PLEKHS1: variants seen among roughly 807,000 people sequenced by gnomAD.
The protein encoded by PLEKHS1 is pleckstrin homology domain containing S1.
In PLEKHS1, 55 loss-of-function variants were observed where a neutral mutation model predicts 51.0. The observed-to-expected ratio is 1.08, with a 90% CI of 0.87 to 1.35. The LOEUF (loss-of-function observed/expected upper bound fraction) is 1.35, where lower values mean the gene tolerates loss of function less well. PLEKHS1 is among the 40% of genes most tolerant of loss of function. The pLI is 0.00. For synonymous variants in PLEKHS1, 153 were observed against 144.8 expected (o/e 1.06, Z -0.41); for missense variants, 398 against 423.0 (o/e 0.94, Z 0.52).
chr10:113,777,531 C>T (rs748839814), intron 11 of PLEKHS1: 1 of 1,553,802 alleles, frequency 6.4e-7, no homozygotes. Flanking sequence ...TGCATGGAAT[C>T]AGACTGGTGC....
At chr10:113,766,903 T>C (rs1014026254) in intron 4 of PLEKHS1, among the ~76,000 whole-genome samples, 185 bp downstream of exon 4, 2 of 152,246 alleles carry the variant, frequency 1.3e-5, no homozygotes, top group Admixed American at 6.5e-5. Flanking sequence ...GTTGAATATT[T>C]GTTTCATATT....
chr10:113,759,165 A>G lies in PLEKHS1; in HGVS notation c.28+3860A>G, dbSNP rs186043244. ...ACGCCTGTAATCCTAGCACTTTGGA[A>G]GGCTGAGGTGGGCAGATCACTTGAG... On this transcript the variant is annotated intron_variant, in intron 2 of 11. Coordinates refer to ENST00000361048, the Ensembl canonical transcript of PLEKHS1. Among the ~76,000 whole-genome samples the G allele has an allele frequency of 3.2e-4, 48 of 152,302 alleles. No individual in the cohort carries two copies. The South Asian group carries it at 7.5e-3, about 24-fold the overall frequency.
intron 6 of PLEKHS1, 54 bp from the exon 7 acceptor site, chr10:113,769,730 T>C: frequency 8.6e-7 from 1 of 1,157,478 alleles, no homozygotes; most frequent in Non-Finnish European, 1.3e-6. Context: ...GGCTGCCGTT[T>C]CATTCCAGAC....
At chr10:113,768,947 A>T (rs1409045621) in intron 6 of PLEKHS1, 57 bp downstream of exon 6, 16 of 1,348,804 alleles carry the variant, frequency 1.2e-5, no homozygotes, top group Middle Eastern at 1.8e-4. Context: ...CTCTTTCAAT[A>T]GAAAACAATG....
chr10:113,771,973 T>G (rs1428018243), exon 8 of PLEKHS1: 1 of 1,609,702 alleles, frequency 6.2e-7, no homozygotes, highest in East Asian at 2.2e-5. Context: ...TCTTCAGCAT[T>G]TAATGGAACA....
chr10:113,766,568 T>TC, intron 3 of PLEKHS1, 44 bp from the exon 4 acceptor site: 1 of 1,589,328 alleles, frequency 6.3e-7, no homozygotes, highest in Non-Finnish European at 8.6e-7. Context: ...TCATTTCTTT[T>TC]CCTCTGAGAT....
chr10:113,769,200 A>G (rs928909610), intron 6 of PLEKHS1, among the ~76,000 whole-genome samples: 6 of 152,236 alleles, frequency 3.9e-5, no homozygotes, highest in Non-Finnish European at 8.8e-5. Context: ...AAGGTGCATG[A>G]CAAGCTCCCT....
chr10:113,761,471 G>A (rs1843928099), intron 2 of PLEKHS1, among the ~76,000 whole-genome samples: 1 of 151,902 alleles, frequency 6.6e-6, no homozygotes, highest in Non-Finnish European at 1.5e-5. Flanking sequence ...TTTCTAGTTT[G>A]CAGTGTACCA....
intron 2 of PLEKHS1, among the ~76,000 whole-genome samples, chr10:113,759,696 C>G (rs79657098): frequency 0.18 from 27,977 of 152,048 alleles, 2,701 homozygotes; most frequent in South Asian, 0.29. Context: ...GTTGAATATC[C>G]AGGTTGCTTC....
At chr10:113,774,135 T>C (rs977325435) in intron 8 of PLEKHS1, 92 bp from the exon 9 acceptor site, 17 of 733,088 alleles carry the variant, frequency 2.3e-5, no homozygotes, top group Admixed American at 5.7e-5. Flanking sequence ...TGTACCTCTA[T>C]GTCAGAGCCC....
chr10:113,752,328 T>C (rs1448619094), intron 1 of PLEKHS1, among the ~76,000 whole-genome samples: 1 of 152,242 alleles, frequency 6.6e-6, no homozygotes, highest in African/African-American at 2.4e-5. Context: ...ATTTTATATG[T>C]ATATGTGAAA....
At chr10:113,763,536 T>C (rs1037851265) in intron 2 of PLEKHS1, among the ~76,000 whole-genome samples, 2 of 152,204 alleles carry the variant, frequency 1.3e-5, no homozygotes, top group Non-Finnish European at 2.9e-5. Flanking sequence ...CTTTTCTGCC[T>C]TCTTTTGGAA....
chr10:113,756,651 T>C (rs1391608509), intron 2 of PLEKHS1, among the ~76,000 whole-genome samples: 1 of 151,916 alleles, frequency 6.6e-6, no homozygotes, highest in African/African-American at 2.4e-5. Context: ...CTAGACCCTA[T>C]AGGAGGAGTA....
exon 11 of PLEKHS1, chr10:113,775,816 T>G: frequency 6.2e-7 from 1 of 1,613,230 alleles, no homozygotes; most frequent in South Asian, 1.1e-5. Context: ...TCCTTTCTCC[T>G]CCTGATGTCA....
At chr10:113,755,519 C>G (rs1854069521) in intron 2 of PLEKHS1, 1 of 921,540 alleles carries the variant, frequency 1.1e-6, no homozygotes. Context: ...ATCCTCTAAC[C>G]TCAGCCTCCC....
At chr10:113,777,078 C>A (rs759166212) in intron 11 of PLEKHS1, 46 bp from the exon 12 acceptor site, 23 of 1,603,578 alleles carry the variant, frequency 1.4e-5, no homozygotes, top group Non-Finnish European at 1.5e-5. Context: ...GCCCTCCTGG[C>A]CAGCTGAGCC....
At chr10:113,775,988 C>G (rs1021253455) in intron 11 of PLEKHS1, 122 bp downstream of exon 11, 11 of 641,518 alleles carry the variant, frequency 1.7e-5, no homozygotes, top group Admixed American at 9.7e-5. Context: ...GGAGCTTGGA[C>G]TGTTGACTGG....
At chr10:113,777,442 A>T (rs766427371) in intron 11 of PLEKHS1, 183 bp downstream of exon 12, 276 of 1,605,636 alleles carry the variant, frequency 1.7e-4, no homozygotes, top group Admixed American at 2.7e-4. Context: ...ATCAAGTAGC[A>T]TTTGGAGAAG....
rs1000894032 is a variant in PLEKHS1 at position 113,753,522 on chromosome 10, G to A, written c.-19-1737G>A. On this transcript the variant is annotated intron_variant, in intron 1 of 11. Transcript: ENST00000361048. ...TCATTGCACAGAGCTGAGTGTGCCC[G>A]CTACAGCAGGCGAGGGCTAAGGGCA... 5.5e-4 allele frequency among the ~76,000 whole-genome samples: 83 copies of A among 152,218 alleles called. 1 individual carries two copies. The highest frequency in any genetic ancestry group is 3.1e-4 in the Non-Finnish European group (21 of 68,020).
Sources: allele counts gnomAD v4.1 joint callset (sites outside exome capture counted in the v4.1 genomes callset), GRCh38; gene constraint gnomAD v4.1.1; transcripts MANE v1.5; gene names NCBI Gene and HGNC (gene_info 2026-07-23, HGNC 2026-07-21).